Variants in GPM6B observed in about 807,000 individuals in gnomAD.
The protein encoded by GPM6B is neuronal membrane glycoprotein M6-b.
In GPM6B, 4 loss-of-function variants were observed where a neutral mutation model predicts 27.2. The ratio of observed to expected loss-of-function variants is 0.15; its 90% CI spans 0.07 to 0.34. GPM6B has a LOEUF of 0.34. Among genes scored for constraint, GPM6B ranks in the 10% least tolerant of loss-of-function variants. GPM6B has a pLI of 1.00. For synonymous variants in GPM6B, 124 were observed against 103.1 expected, an observed-to-expected ratio of 1.20 and a Z score of -1.23; for missense variants, 183 against 261.9, an observed-to-expected ratio of 0.70 and a Z score of 2.08.
intron 5 of GPM6B, among the ~76,000 whole-genome samples, chrX:13,779,574 G>C (rs747080043): frequency 8.9e-6 from 1 of 111,936 alleles, no homozygotes; most frequent in African/African-American, 3.2e-5. Context: ...ATTAAGAAAA[G>C]CTTCTTTCAC....
intron 7 of GPM6B, chrX:13,774,169 T>C: frequency 1.3e-6 from 1 of 758,505 alleles, no homozygotes; most frequent in Non-Finnish European, 1.6e-6. Context: ...GCACTTGTTT[T>C]CATTTTCATC....
rs746462685 is a variant in GPM6B, at chrX:13,816,863, T to C, written c.42A>G (p.Glu14=). The C allele has an allele frequency of 1.7e-6, 2 of 1,209,691 alleles. No individual in the cohort carries two copies. The highest frequency in any genetic ancestry group is 2.2e-5 in the Admixed American group (1 of 45,777). Residue 14 remains glutamate (E), a synonymous_variant, in exon 1 of 8, where the codon GAA becomes GAG. Transcript: ENST00000316715. ...AMETAAEENT[E]QSQERKVNSR... ...GGGTACCTTTTCTCTCTTGGCTTTG[T>C]TCAGTATTTTCCTCGGCTGCAGTTT...
intron 1 of GPM6B, among the ~76,000 whole-genome samples, chrX:13,833,565 AAAAACTAG>A (rs2049463693): frequency 9.4e-6 from 1 of 106,818 alleles, no homozygotes; most frequent in African/African-American, 3.4e-5. Context: ...AAAAAAAAAA[AAAAACTAG>A]AAAAAAAATT....
chrX:13,846,267 A>G (rs1200229318), intron 1 of GPM6B, among the ~76,000 whole-genome samples: 1 of 110,701 alleles, frequency 9.0e-6, no homozygotes, highest in Non-Finnish European at 1.9e-5. Flanking sequence ...TTCTAGGCTC[A>G]GTTGTCTACT....
intron 1 of GPM6B, among the ~76,000 whole-genome samples, chrX:13,906,144 G>A (rs921825845): frequency 8.9e-6 from 1 of 112,283 alleles, no homozygotes; most frequent in Non-Finnish European, 1.9e-5. Flanking sequence ...TGTTGTGGCC[G>A]AATTGTTTTT....
chrX:13,877,922 CAGTA>C (rs761307719), intron 1 of GPM6B, among the ~76,000 whole-genome samples: 3 of 105,128 alleles, frequency 2.9e-5, no homozygotes, highest in African/African-American at 7.0e-5. Context: ...CTAAATATCT[CAGTA>C]AGTATCTTGA....
At chrX:13,812,486 C>A (rs1273085769) in intron 1 of GPM6B, among the ~76,000 whole-genome samples, 2 of 111,857 alleles carry the variant, frequency 1.8e-5, no homozygotes, top group African/African-American at 6.5e-5. Context: ...CTACTCCTGG[C>A]CAACTATCTC....
intron 1 of GPM6B, among the ~76,000 whole-genome samples, chrX:13,930,484 G>T (rs1921444112): frequency 9.0e-6 from 1 of 111,166 alleles, no homozygotes; most frequent in Non-Finnish European, 1.9e-5. Flanking sequence ...CGTGGTTGTG[G>T]GCACCTGTAG....
At chrX:13,780,518 C>A (rs938812850) in intron 4 of GPM6B, among the ~76,000 whole-genome samples, 2 of 112,292 alleles carry the variant, frequency 1.8e-5, no homozygotes, top group African/African-American at 6.5e-5. Context: ...AAGAACTTTG[C>A]TAGTTTCCTG....
chrX:13,773,804 C>T (rs775737509), intron 7 of GPM6B: 6 of 166,710 alleles, frequency 3.6e-5, no homozygotes, highest in East Asian at 2.6e-4. Flanking sequence ...TTTCTCTTCC[C>T]GTTAAAATCT....
intron 1 of GPM6B, among the ~76,000 whole-genome samples, chrX:13,880,889 G>A (rs760187476): frequency 4.6e-5 from 5 of 109,721 alleles, no homozygotes; most frequent in Non-Finnish European, 7.6e-5. Context: ...ACGTTACACC[G>A]GTTTCTCCAT....
intron 3 of GPM6B, chrX:13,784,062 A>G (rs73451164): frequency 0.011 from 2,407 of 210,968 alleles, 61 homozygotes; most frequent in African/African-American, 0.067. Flanking sequence ...CCACACAAAT[A>G]GTAGTAGGTC....
chrX:13,856,211 C>T (rs2049777856), intron 1 of GPM6B, among the ~76,000 whole-genome samples: 1 of 112,046 alleles, frequency 8.9e-6, no homozygotes. Context: ...CCCATGTTGG[C>T]TCTACTCCAA....
chrX:13,840,722 G>T (rs926912959), intron 1 of GPM6B, among the ~76,000 whole-genome samples: 1 of 111,270 alleles, frequency 9.0e-6, no homozygotes, highest in African/African-American at 3.3e-5. Flanking sequence ...AGATTCACAT[G>T]ATTCCTCCCG....
intron 1 of GPM6B, among the ~76,000 whole-genome samples, chrX:13,925,295 C>G (rs1921110877): frequency 8.9e-6 from 1 of 111,843 alleles, no homozygotes; most frequent in South Asian, 3.7e-4. Context: ...TGGAAGGGAA[C>G]CATGGCATTG....
chrX:13,863,264 T>C (rs1262466789), intron 1 of GPM6B, among the ~76,000 whole-genome samples: 1 of 111,810 alleles, frequency 8.9e-6, no homozygotes, highest in East Asian at 2.8e-4. Flanking sequence ...CACACAATCT[T>C]AACACATTTC....
At chrX:13,936,784 C>A (rs1603156517) in intron 1 of GPM6B, among the ~76,000 whole-genome samples, 1 of 112,365 alleles carries the variant, frequency 8.9e-6, no homozygotes, top group East Asian at 2.8e-4. Flanking sequence ...GCCTTTGCTT[C>A]ATGAGAACTG....
At chrX:13,855,270 T>C (rs2049767159) in intron 1 of GPM6B, among the ~76,000 whole-genome samples, 1 of 112,567 alleles carries the variant, frequency 8.9e-6, no homozygotes, top group Non-Finnish European at 1.9e-5. Flanking sequence ...CTGCCCACCT[T>C]GGTCTCTCAA....
chrX:13,822,838 G>A lies in GPM6B; in HGVS notation c.-197-37030C>T, dbSNP rs191022654. On this transcript the variant is annotated intron_variant, in intron 1 of 6. Coordinates refer to the GPM6B transcript ENST00000398361. ...GATACTTTTTATATAAAGTAGCAAC[G>A]ATATTCAACATATTAATAATTCTGT... 5.2e-3 allele frequency among the ~76,000 whole-genome samples: 577 copies of A among 111,768 alleles called. 4 individuals are homozygous for A. The highest frequency in any genetic ancestry group is 8.7e-3 in the Non-Finnish European group (464 of 53,180).
Sources: gnomAD v4.1 joint callset for allele counts (sites outside exome capture counted in the v4.1 genomes callset) on GRCh38, gnomAD v4.1.1 for gene constraint, MANE v1.5 for transcripts, NCBI Gene and HGNC (gene_info 2026-07-23, HGNC 2026-07-21) for gene names.